Variants in GALC observed in about 807,000 individuals in gnomAD.
GALC encodes galactocerebrosidase.
GALC carries 77 observed loss-of-function variants against 91.8 expected under a neutral mutation model. The observed-to-expected ratio is 0.84, with a 90% CI of 0.70 to 1.01. GALC has a LOEUF of 1.01. Among genes scored for constraint, GALC ranks in the 50% least tolerant of loss-of-function variants. The pLI, the probability that GALC is intolerant of heterozygous loss-of-function variation, is 0.00. For synonymous variants in GALC, 357 were observed against 306.7 expected (o/e 1.16, Z -1.71); for missense variants, 882 against 855.9 (o/e 1.03, Z -0.38).
intron 10 of GALC, among the ~76,000 whole-genome samples, chr14:87,960,752 G>A (rs1595210440): frequency 2.0e-5 from 3 of 152,214 alleles, no homozygotes; most frequent in African/African-American, 7.2e-5. Context: ...AAAAAATAGT[G>A]CAGGGACAAC....
rs1178963908 is a variant in GALC at position 87,984,467 on chromosome 14, A to G, written c.509T>C (p.Leu170Pro). Residue 170 changes from leucine to proline, a missense_variant, in exon 5 of 17, where the codon CTG becomes CCG. Leu to Pro is a moderately conservative substitution (Grantham distance 98). Transcript: ENST00000261304. ...CCAGGTCACGACATAATAGGCAGTC[A>G]GCTGAAGATTGACATAAGGCCAGTC... ...GFDWPYVNLQ[L>P]TAYYVVTWIV... 4 of 1,614,088 alleles carry G rather than the reference A, an allele frequency of 2.5e-6. No homozygotes were observed. In the African/African-American group the frequency reaches 5.3e-5, roughly 22 times the overall value.
At chr14:87,952,238 A>G (rs1885341740) in intron 10 of GALC, among the ~76,000 whole-genome samples, 3 of 151,918 alleles carry the variant, frequency 2.0e-5, no homozygotes, top group Admixed American at 1.3e-4. Flanking sequence ...TAGCCAGACT[A>G]ATAAAAAATC....
intron 10 of GALC, chr14:87,954,571 T>C: frequency 6.4e-7 from 1 of 1,568,542 alleles, no homozygotes; most frequent in Non-Finnish European, 8.7e-7. Flanking sequence ...TAAGGGCAAT[T>C]ACATTTAAAG....
rs544034467 is a variant in GALC at position 87,959,537 on chromosome 14, C to A, written c.1161+3847G>T. On this transcript the variant is annotated intron_variant, in intron 10 of 16. Transcript: ENST00000261304. The stretch of plus-strand genomic sequence containing the variant: ...GAGTTTGAGACCAGCCTGGCCAACA[C>A]GGTGAAACCCCGTCTCTACTAAAAA... The A allele has an allele frequency of 5.3e-5, 8 of 151,738 alleles. No individual in the cohort carries two copies. The East Asian group carries it at 1.6e-3, about 30-fold the overall frequency. 9.4% of individuals were successfully genotyped at this position (151,738 alleles called of 1,614,324 possible).
chr14:87,993,127 C>G lies in GALC; in HGVS notation c.38G>C (p.Arg13Pro), dbSNP rs763795962. 1.3e-5 allele frequency: 21 copies of G among 1,585,386 alleles called. No individual in the cohort carries two copies. The South Asian group carries it at 2.3e-4, about 17-fold the overall frequency. Residue 13 changes from arginine to proline, a missense_variant, in exon 1 of 17, where the codon CGA (arginine) becomes CCA (proline). Coordinates refer to ENST00000261304, the MANE Select transcript of GALC (RefSeq NM_000153.4). ...EWLLSASWQR[R>P]AKAMTAAAGS... is the part of the protein sequence containing the mutation. ...CGCGGCCGCAGTCATAGCTTTCGCT[C>G]GGCGTTGCCAGGAAGCCGAGAGTAG...
chr14:87,950,482 T>C lies in GALC; in HGVS notation c.1251+177A>G, dbSNP rs144685202. Among the ~76,000 whole-genome samples the C allele has an allele frequency of 2.0e-4, 30 of 151,970 alleles. 1 individual carries two copies. In the East Asian group the frequency reaches 5.8e-3, roughly 30 times the overall value. ...ACAGAGCATTTTACCTCCTACTGGCTTCTGTCCTGCTAGATTAAAGCAAGT... is the reference window on the plus strand; with the variant it reads ...ACAGAGCATTTTACCTCCTACTGGCCTCTGTCCTGCTAGATTAAAGCAAGT... On this transcript the variant is annotated intron_variant, in intron 11 of 16. Coordinates refer to ENST00000261304, the MANE Select transcript of GALC (RefSeq NM_000153.4).
chr14:87,956,235 C>T (rs952438286), intron 10 of GALC, among the ~76,000 whole-genome samples: 4 of 151,880 alleles, frequency 2.6e-5, no homozygotes, highest in Non-Finnish European at 5.9e-5. Context: ...ACCACATTCT[C>T]CAAGGAGCAA....
At chr14:87,982,682 G>A (rs1314935177) in intron 5 of GALC, among the ~76,000 whole-genome samples, 1 of 152,136 alleles carries the variant, frequency 6.6e-6, no homozygotes, top group Non-Finnish European at 1.5e-5. Context: ...AGCATACACA[G>A]AGAATCACAG....
chr14:87,990,304 A>G (rs905437141), intron 1 of GALC, among the ~76,000 whole-genome samples: 1 of 152,166 alleles, frequency 6.6e-6, no homozygotes, highest in Non-Finnish European at 1.5e-5. Flanking sequence ...GGAGTCTTTG[A>G]GTCAAATGGA....
chr14:87,990,428 G>T (rs748496409), intron 1 of GALC, among the ~76,000 whole-genome samples: 2 of 152,116 alleles, frequency 1.3e-5, no homozygotes, highest in African/African-American at 2.4e-5. Flanking sequence ...GTATGTAAAG[G>T]ACTTGGCACA....
intron 13 of GALC, among the ~76,000 whole-genome samples, chr14:87,946,424 C>T (rs1183781417): frequency 1.3e-5 from 2 of 151,958 alleles, no homozygotes; most frequent in Non-Finnish European, 2.9e-5. Context: ...ATACCTCATG[C>T]TTTTCCAAGT....
chr14:87,934,548 G>T lies in GALC; in HGVS notation c.*184C>A. On this transcript the variant is annotated 3_prime_UTR_variant, in exon 17 of 17. Coordinates refer to ENST00000261304, the MANE Select transcript of GALC (RefSeq NM_000153.4). ...TAAAGATTCACCAGTTTTCCCCTTG[G>T]AATTAATTCTAATAAAATCTTCCAC... The T allele has an allele frequency of 6.8e-7, 1 of 1,460,178 alleles. No homozygotes were observed. The allele number at this position is 1,460,178 out of a possible 1,614,324, so 90.5% of individuals were successfully genotyped here. A position where few individuals can be genotyped will look rare whatever the true frequency, so the allele number is the denominator to read the frequency against.
At chr14:87,937,848 A>C (rs936860869) in intron 16 of GALC, among the ~76,000 whole-genome samples, 6 of 151,950 alleles carry the variant, frequency 3.9e-5, no homozygotes, top group South Asian at 4.1e-4. Context: ...ACTGAAGGAC[A>C]TAGTGGCAAA....
At chr14:87,963,281 T>C (rs1885886222) in intron 10 of GALC, 103 bp downstream of exon 10, 2 of 1,232,658 alleles carry the variant, frequency 1.6e-6, no homozygotes, top group South Asian at 1.2e-5. Flanking sequence ...CATCTGTCTG[T>C]ATGCTTATGT....
chr14:87,988,587 T>C (rs1887068681), intron 1 of GALC, 64 bp from the exon 2 acceptor site: 3 of 1,166,844 alleles, frequency 2.6e-6, no homozygotes, highest in Non-Finnish European at 3.9e-6. Flanking sequence ...CTGTCTACAG[T>C]GTTCACGCAC....
chr14:87,972,193 T>G (rs755085488), intron 7 of GALC, among the ~76,000 whole-genome samples: 1 of 152,142 alleles, frequency 6.6e-6, no homozygotes, highest in Non-Finnish European at 1.5e-5. Context: ...CATCCAACAA[T>G]TGGATGCTAA....
intron 10 of GALC, among the ~76,000 whole-genome samples, chr14:87,962,684 G>C (rs1251434367): frequency 6.6e-6 from 1 of 151,440 alleles, no homozygotes; most frequent in Non-Finnish European, 1.5e-5. Flanking sequence ...TGGGAACTTA[G>C]TTGCTAGAAA....
At chr14:87,968,179 G>T (rs1886133296) in intron 8 of GALC, among the ~76,000 whole-genome samples, 156 bp downstream of exon 8, 1 of 152,042 alleles carries the variant, frequency 6.6e-6, no homozygotes, top group African/African-American at 2.4e-5. Flanking sequence ...ATTAGATATA[G>T]ATTAGGTATA....
chr14:87,977,267 C>G (rs1174736132), intron 6 of GALC, among the ~76,000 whole-genome samples: 1 of 152,146 alleles, frequency 6.6e-6, no homozygotes, highest in Non-Finnish European at 1.5e-5. Context: ...ACCTGTAGGA[C>G]TGTCCACCCA....
Sources: allele counts gnomAD v4.1 joint callset (sites outside exome capture counted in the v4.1 genomes callset), GRCh38; gene constraint gnomAD v4.1.1; transcripts MANE v1.5; gene names NCBI Gene and HGNC (gene_info 2026-07-23, HGNC 2026-07-21).